PRKN: variants seen among roughly 807,000 people sequenced by gnomAD.
The protein encoded by PRKN is E3 ubiquitin-protein ligase parkin.
A neutral mutation model predicts 59.5 loss-of-function variants in PRKN; 56 were observed. The ratio of observed to expected loss-of-function variants is 0.94; its 90% CI spans 0.76 to 1.18. PRKN has a LOEUF of 1.18. PRKN is among the 50% of genes most tolerant of loss of function. PRKN has a pLI of 0.00. For missense variants in PRKN, 657 were observed against 596.4 expected, an observed-to-expected ratio of 1.10 and a Z score of -1.06; for synonymous variants, 250 against 222.1, an observed-to-expected ratio of 1.13 and a Z score of -1.12.
Position 162,165,228 on chromosome 6 carries a change from G to GA in PRKN, c.534+35902dup, listed in dbSNP as rs990795451. Reference sequence around the variant, plus strand: ...GAATGCCAAAACTATGGAGCTTCTGGAAAAAAAAATAGGAGAATATTTCAT... The same window carrying GA: ...GAATGCCAAAACTATGGAGCTTCTGGAAAAAAAAAATAGGAGAATATTTCAT... On this transcript the variant is annotated intron_variant, in intron 4 of 11. Transcript: ENST00000366898. Among the ~76,000 whole-genome samples the GA allele has an allele frequency of 7.9e-4, 115 of 145,954 alleles. 13 individuals carry two copies. Among genetic ancestry groups the GA allele is most frequent in the African/African-American group, 2.5e-3 (96 of 38,678 alleles).
intron 9 of PRKN, among the ~76,000 whole-genome samples, chr6:161,520,387 G>A (rs1020274061): frequency 1.6e-4 from 25 of 151,958 alleles, no homozygotes; most frequent in African/African-American, 5.8e-4. Context: ...ACCAGGCCCG[G>A]CTAATTTTTT....
intron 3 of PRKN, among the ~76,000 whole-genome samples, chr6:162,225,265 C>G (rs1241816722): frequency 6.6e-6 from 1 of 152,124 alleles, no homozygotes; most frequent in Non-Finnish European, 1.5e-5. Context: ...ATTAATCCAT[C>G]CATGACTGTA....
At chr6:161,819,589 C>A (rs1791935381) in intron 6 of PRKN, among the ~76,000 whole-genome samples, 1 of 152,104 alleles carries the variant, frequency 6.6e-6, no homozygotes. Context: ...ATAGGTATTA[C>A]CCCCAATCAA....
intron 9 of PRKN, among the ~76,000 whole-genome samples, chr6:161,403,121 A>G (rs1787119840): frequency 6.6e-6 from 1 of 152,106 alleles, no homozygotes; most frequent in South Asian, 2.1e-4. Flanking sequence ...TGAAGCATCA[A>G]CTGTTCTCAG....
At chr6:162,307,315 G>A (rs958741587) in intron 2 of PRKN, among the ~76,000 whole-genome samples, 1 of 151,294 alleles carries the variant, frequency 6.6e-6, no homozygotes, top group Non-Finnish European at 1.5e-5. Flanking sequence ...CAGGAGAATC[G>A]CTTTAACCCA....
At chr6:162,157,391 C>T (rs1271152796) in intron 4 of PRKN, among the ~76,000 whole-genome samples, 2 of 151,862 alleles carry the variant, frequency 1.3e-5, no homozygotes, top group Non-Finnish European at 2.9e-5. Flanking sequence ...GGCTCACTTC[C>T]TCATCAAGGT....
chr6:161,443,078 C>T (rs936007503), intron 9 of PRKN, among the ~76,000 whole-genome samples: 5 of 151,974 alleles, frequency 3.3e-5, no homozygotes, highest in South Asian at 2.1e-4. Context: ...GAGGCCAAGG[C>T]GGGTGGATCA....
At chr6:162,538,255 G>A (rs2128198970) in intron 1 of PRKN, among the ~76,000 whole-genome samples, 1 of 152,188 alleles carries the variant, frequency 6.6e-6, no homozygotes, top group East Asian at 1.9e-4. Context: ...AAAATTAGCT[G>A]ACATGATGGC....
intron 9 of PRKN, among the ~76,000 whole-genome samples, chr6:161,449,158 C>T (rs1789617281): frequency 6.6e-6 from 1 of 152,168 alleles, no homozygotes; most frequent in African/African-American, 2.4e-5. Flanking sequence ...TTTATGCTTG[C>T]AATTTATAAT....
chr6:161,693,087 A>C (rs1202029748), intron 7 of PRKN, among the ~76,000 whole-genome samples: 2 of 152,142 alleles, frequency 1.3e-5, no homozygotes, highest in Non-Finnish European at 2.9e-5. Flanking sequence ...CTGATCATAA[A>C]AATAGATGTC....
intron 5 of PRKN, among the ~76,000 whole-genome samples, chr6:161,987,984 G>A (rs1201458702): frequency 3.9e-5 from 6 of 152,070 alleles, no homozygotes; most frequent in Non-Finnish European, 8.8e-5. Flanking sequence ...TAGAGTGAAC[G>A]ATGCTCCCTC....
At chr6:162,557,412 C>T (rs929821814) in intron 1 of PRKN, among the ~76,000 whole-genome samples, 3 of 152,232 alleles carry the variant, frequency 2.0e-5, no homozygotes, top group Non-Finnish European at 2.9e-5. Flanking sequence ...GGTGTGCCCA[C>T]GTGGTCTTGC....
At chr6:162,710,914 G>A (rs1469930937) in intron 1 of PRKN, among the ~76,000 whole-genome samples, 16 of 152,156 alleles carry the variant, frequency 1.1e-4, no homozygotes, top group Non-Finnish European at 1.0e-4. Flanking sequence ...TATATTCAAG[G>A]GCACAGTGCA....
intron 9 of PRKN, among the ~76,000 whole-genome samples, chr6:161,433,252 T>C (rs1788732861): frequency 6.6e-6 from 1 of 152,216 alleles, no homozygotes; most frequent in African/African-American, 2.4e-5. Context: ...TATTGAGGGC[T>C]GTCTGATTCC....
chr6:162,520,075 C>T (rs947379679), intron 1 of PRKN, among the ~76,000 whole-genome samples: 5 of 152,022 alleles, frequency 3.3e-5, no homozygotes, highest in Admixed American at 3.3e-4. Flanking sequence ...CATAGTGAGA[C>T]CCTCATCTCT....
chr6:162,376,135 A>G (rs927628178), intron 2 of PRKN, among the ~76,000 whole-genome samples: 4 of 152,046 alleles, frequency 2.6e-5, no homozygotes, highest in South Asian at 2.1e-4. Flanking sequence ...ATTTGCCCCA[A>G]CTTCATGCCC....
At chr6:162,693,565 G>A (rs969963880) in intron 1 of PRKN, among the ~76,000 whole-genome samples, 8 of 152,106 alleles carry the variant, frequency 5.3e-5, no homozygotes, top group Non-Finnish European at 1.0e-4. Context: ...ATGCATTAAA[G>A]GAACTCAAAC....
intron 2 of PRKN, among the ~76,000 whole-genome samples, chr6:162,387,055 C>T (rs985921015): frequency 2.0e-5 from 3 of 151,890 alleles, no homozygotes; most frequent in Admixed American, 1.3e-4. Flanking sequence ...AATATAGATT[C>T]ATTTATTTAT....
chr6:161,467,325 T>C lies in PRKN; in HGVS notation c.1084-80448A>G, dbSNP rs1411906038. 6.6e-6 allele frequency among the ~76,000 whole-genome samples: 1 copy of C among 152,174 alleles called. No homozygotes were observed. Among genetic ancestry groups the C allele is most frequent in the East Asian group, 1.9e-4 (1 of 5,190 alleles). On this transcript the variant is annotated intron_variant, in intron 9 of 11. Coordinates refer to ENST00000366898, the MANE Select transcript of PRKN (RefSeq NM_004562.3). The surrounding 1 kb of genome is among the most constrained non-coding windows in gnomAD (Gnocchi z 4.3). ...TGTGTGCCTGGCACTGTGCGGTGAA[T>C]TTGATATAGACACATATAATACGAA...
Sources: gnomAD v4.1 joint callset for allele counts (sites outside exome capture counted in the v4.1 genomes callset) on GRCh38, gnomAD v4.1.1 for gene constraint, Gnocchi (gnomAD v3.1) non-coding constraint, MANE v1.5 for transcripts, NCBI Gene and HGNC (gene_info 2026-07-23, HGNC 2026-07-21) for gene names.